ARHGAP15: variants seen among roughly 807,000 people sequenced by gnomAD.
ARHGAP15 encodes Rho GTPase activating protein 15, also known as rho GTPase-activating protein 15.
ARHGAP15 carries 51 observed loss-of-function variants against 63.7 expected under a neutral mutation model. That is an observed-to-expected ratio of 0.80 (90% confidence interval 0.64 to 1.01). The LOEUF is 1.01. Ranked by LOEUF, ARHGAP15 falls within the 50% of genes least tolerant of loss-of-function variation. The probability of loss-of-function intolerance (pLI) is 0.00; values close to 1 mark genes in which losing one functional copy is unlikely to be tolerated. For missense variants in ARHGAP15, 560 were observed against 564.6 expected (o/e 0.99, Z 0.08); for synonymous variants, 191 against 193.8 (o/e 0.99, Z 0.12).
At chr2:143,240,779 A>G (rs1214888701) in intron 5 of ARHGAP15, among the ~76,000 whole-genome samples, 1 of 152,230 alleles carries the variant, frequency 6.6e-6, no homozygotes, top group Non-Finnish European at 1.5e-5. Context: ...ATTAAAGTTC[A>G]GTGTTTTATT....
intron 5 of ARHGAP15, among the ~76,000 whole-genome samples, chr2:143,238,593 T>C (rs982021616): frequency 1.3e-5 from 2 of 152,228 alleles, no homozygotes; most frequent in Non-Finnish European, 2.9e-5. Flanking sequence ...ACACTGTTGA[T>C]GGGAGTGTAA....
Position 143,393,726 on chromosome 2 carries a change from T to TAAAA in ARHGAP15, c.475-41850_475-41847dup, listed in dbSNP as rs10593584. Among the ~76,000 whole-genome samples the TAAAA allele has an allele frequency of 9.8e-5, 6 of 61,442 alleles. No homozygotes were observed. The South Asian group carries it at 2.1e-3, about 21-fold the overall frequency. The allele number at this position is 61,442 out of a possible 152,430, so 40.3% of individuals were successfully genotyped here. The stretch of plus-strand genomic sequence containing the variant: ...CTGGGTGACAGAGCGAGACTCTGTC[T>TAAAA]AAAAAAAAAAAAAAAAAAAAAAAAA... On this transcript the variant is annotated intron_variant, in intron 6 of 13. Transcript: ENST00000295095.
chr2:143,392,461 C>T (rs1436258721), intron 6 of ARHGAP15, among the ~76,000 whole-genome samples: 2 of 152,126 alleles, frequency 1.3e-5, no homozygotes, highest in Non-Finnish European at 1.5e-5. Context: ...AAATCCTATA[C>T]ATACAATTGA....
At chr2:143,360,293 G>A (rs1292883064) in intron 6 of ARHGAP15, among the ~76,000 whole-genome samples, 2 of 152,036 alleles carry the variant, frequency 1.3e-5, no homozygotes, top group Non-Finnish European at 2.9e-5. Flanking sequence ...GCTGAGGAGG[G>A]AGGATTGCTT....
chr2:143,494,421 T>C (rs571662555), intron 9 of ARHGAP15, among the ~76,000 whole-genome samples: 45 of 152,326 alleles, frequency 3.0e-4, no homozygotes, highest in Middle Eastern at 3.4e-3. Flanking sequence ...TCTACTCCTA[T>C]ACAATAGTGA....
chr2:143,651,129 A>C (rs951617906), intron 12 of ARHGAP15, among the ~76,000 whole-genome samples: 1 of 152,008 alleles, frequency 6.6e-6, no homozygotes, highest in Non-Finnish European at 1.5e-5. Flanking sequence ...ATCAGGGAGC[A>C]TTTAAATTTG....
At chr2:143,756,907 A>C (rs1035100211) in intron 13 of ARHGAP15, among the ~76,000 whole-genome samples, 1 of 151,900 alleles carries the variant, frequency 6.6e-6, no homozygotes, top group Non-Finnish European at 1.5e-5. Flanking sequence ...AGTCTTCCTC[A>C]GGTCTCAGGC....
chr2:143,652,368 C>T (rs144643185), intron 12 of ARHGAP15, among the ~76,000 whole-genome samples: 2 of 152,030 alleles, frequency 1.3e-5, no homozygotes, highest in Non-Finnish European at 2.9e-5. Context: ...AGGCAACAAG[C>T]TGGAAGTATA....
intron 11 of ARHGAP15, chr2:143,563,996 G>C (rs1696126019): frequency 6.6e-6 from 1 of 152,250 alleles, no homozygotes; most frequent in African/African-American, 2.4e-5. Context: ...GCAAAATCAA[G>C]GTGTCAGCCA....
intron 10 of ARHGAP15, among the ~76,000 whole-genome samples, chr2:143,540,494 G>GT (rs36168014): frequency 0.36 from 54,141 of 152,020 alleles, 10,164 homozygotes; most frequent in Middle Eastern, 0.47. Flanking sequence ...AATTTGGCCT[G>GT]TTTTTTGCAG....
chr2:143,470,649 G>GTA (rs1052802264), intron 8 of ARHGAP15, among the ~76,000 whole-genome samples: 3 of 129,954 alleles, frequency 2.3e-5, no homozygotes, highest in African/African-American at 5.2e-5. Context: ...ATATGTGTGT[G>GTA]TATATATATA....
intron 8 of ARHGAP15, among the ~76,000 whole-genome samples, chr2:143,461,228 T>C (rs1319159865): frequency 7.9e-6 from 1 of 126,634 alleles, no homozygotes; most frequent in Non-Finnish European, 1.6e-5. Context: ...AGACAGAAGT[T>C]GCAGTCGCAC....
At chr2:143,666,750 G>C (rs1490212148) in intron 12 of ARHGAP15, among the ~76,000 whole-genome samples, 1 of 143,804 alleles carries the variant, frequency 7.0e-6, no homozygotes, top group Non-Finnish European at 1.5e-5. Context: ...CCATCAGAAA[G>C]TGGGCTAAGG....
chr2:143,136,285 G>A (rs1353939463), intron 1 of ARHGAP15, among the ~76,000 whole-genome samples: 1 of 151,236 alleles, frequency 6.6e-6, no homozygotes, highest in African/African-American at 2.4e-5. Context: ...GGCCCTTAAG[G>A]TGTTATATCT....
At chr2:143,509,792 G>A (rs1693495379) in intron 9 of ARHGAP15, among the ~76,000 whole-genome samples, 2 of 152,060 alleles carry the variant, frequency 1.3e-5, no homozygotes, top group Admixed American at 1.3e-4. Context: ...GGAGGCCGAG[G>A]CAGGCGGATC....
intron 6 of ARHGAP15, among the ~76,000 whole-genome samples, chr2:143,321,903 C>T (rs2105226618): frequency 6.6e-6 from 1 of 152,266 alleles, no homozygotes; most frequent in East Asian, 1.9e-4. Flanking sequence ...GTCTTGAAGC[C>T]TTGGCCTCAA....
intron 6 of ARHGAP15, among the ~76,000 whole-genome samples, chr2:143,359,263 T>G (rs893992305): frequency 2.0e-5 from 3 of 152,198 alleles, no homozygotes; most frequent in Admixed American, 2.0e-4. Context: ...GTTCATTGAC[T>G]TTGAGGGAAT....
chr2:143,752,654 T>A (rs1428734545), intron 13 of ARHGAP15, among the ~76,000 whole-genome samples: 1 of 152,176 alleles, frequency 6.6e-6, no homozygotes, highest in Non-Finnish European at 1.5e-5. Context: ...GAGTTTGGCA[T>A]CCAGGGCATT....
At chr2:143,726,171 A>G (rs1210521532) in intron 13 of ARHGAP15, among the ~76,000 whole-genome samples, 2 of 152,246 alleles carry the variant, frequency 1.3e-5, no homozygotes, top group Non-Finnish European at 1.5e-5. Flanking sequence ...CCATTTTCAT[A>G]TGAAGATCTG....
Sources: gnomAD v4.1 joint callset for allele counts (sites outside exome capture counted in the v4.1 genomes callset) on GRCh38, gnomAD v4.1.1 for gene constraint, MANE v1.5 for transcripts, NCBI Gene and HGNC (gene_info 2026-07-23, HGNC 2026-07-21) for gene names.